The following KCNJ3 variants were observed in gnomAD, a reference collection of about 807,000 sequenced individuals.
KCNJ3 encodes the protein potassium inwardly rectifying channel subfamily J member 3, also known as G protein-activated inward rectifier potassium channel 1.
Under a neutral mutation model 39.2 loss-of-function variants are expected in KCNJ3, and 4 were observed. That is an observed-to-expected ratio of 0.10 (90% confidence interval 0.05 to 0.23). The LOEUF is 0.23. Ranked by LOEUF, KCNJ3 falls within the 10% of genes least tolerant of loss-of-function variation. The pLI is 1.00. For missense variants in KCNJ3, 276 were observed against 634.9 expected (o/e 0.43, Z 6.08); for synonymous variants, 230 against 237.4 (o/e 0.97, Z 0.29).
At chr2:154,819,149 A>G (rs970368324) in intron 2 of KCNJ3, among the ~76,000 whole-genome samples, 1 of 151,990 alleles carries the variant, frequency 6.6e-6, no homozygotes, top group African/African-American at 2.4e-5. Flanking sequence ...TAAAGAAAAG[A>G]AAAAAAGACC....
At chr2:154,832,473 C>T (rs991879727) in intron 2 of KCNJ3, among the ~76,000 whole-genome samples, 1 of 152,168 alleles carries the variant, frequency 6.6e-6, no homozygotes, top group African/African-American at 2.4e-5. Context: ...AGCATATTCT[C>T]ATTATAGTCC....
At chr2:154,829,458 C>A (rs959089904) in intron 2 of KCNJ3, among the ~76,000 whole-genome samples, 2 of 152,090 alleles carry the variant, frequency 1.3e-5, no homozygotes, top group Non-Finnish European at 2.9e-5. Context: ...AAGAACACGA[C>A]CTTGTTCTTT....
chr2:154,750,449 CAACGGT>C (rs1558863918), intron 2 of KCNJ3, among the ~76,000 whole-genome samples: 1 of 151,920 alleles, frequency 6.6e-6, no homozygotes, highest in Admixed American at 6.6e-5. Context: ...TTCCCTAATG[CAACGGT>C]AACTTATTCC....
intron 1 of KCNJ3, among the ~76,000 whole-genome samples, chr2:154,701,426 T>A (rs2105144638): frequency 6.6e-6 from 1 of 152,252 alleles, no homozygotes; most frequent in East Asian, 1.9e-4. Context: ...TTTTATTACA[T>A]TTTATTTCAA....
intron 2 of KCNJ3, among the ~76,000 whole-genome samples, chr2:154,735,589 A>C (rs1685517119): frequency 1.3e-5 from 2 of 152,154 alleles, no homozygotes; most frequent in African/African-American, 2.4e-5. Context: ...TCTTTCAGTT[A>C]ATATAATTTT....
intron 1 of KCNJ3, among the ~76,000 whole-genome samples, chr2:154,704,604 G>A (rs930605660): frequency 2.6e-5 from 4 of 152,176 alleles, no homozygotes; most frequent in African/African-American, 9.6e-5. Flanking sequence ...TATTCATGGA[G>A]TTTCAAGCTT....
chr2:154,757,666 G>A (rs192171886), intron 2 of KCNJ3, among the ~76,000 whole-genome samples: 23 of 152,162 alleles, frequency 1.5e-4, no homozygotes, highest in Admixed American at 1.5e-3. Context: ...AATACTTTAG[G>A]CTATGTAATT....
chr2:154,765,685 A>G (rs113998976), intron 2 of KCNJ3, among the ~76,000 whole-genome samples: 1,538 of 152,290 alleles, frequency 0.01, 20 homozygotes, highest in African/African-American at 0.035. Context: ...TGGTTCCTTA[A>G]CTGGGTGCCA....
At position 154,752,743 on chromosome 2, in the gene KCNJ3, A is replaced by G. The variant is rs552284536; in HGVS notation, c.919+42924A>G. ...CCCCAACTATAAATTGGGGACAATA[A>G]TTGTGCCAGTATGACAAAGTGTTAG... On this transcript the variant is annotated intron_variant, in intron 2 of 2. Coordinates refer to ENST00000295101, the MANE Select transcript of KCNJ3 (RefSeq NM_002239.4). Among the ~76,000 whole-genome samples the G allele has an allele frequency of 2.4e-4, 37 of 152,158 alleles. 2 individuals carry two copies. Among genetic ancestry groups the G allele is most frequent in the African/African-American group, 8.9e-4 (37 of 41,570 alleles).
At chr2:154,817,265 G>A (rs1687099741) in intron 2 of KCNJ3, among the ~76,000 whole-genome samples, 1 of 152,104 alleles carries the variant, frequency 6.6e-6, no homozygotes, top group Non-Finnish European at 1.5e-5. Context: ...CACAGTGTTG[G>A]ATAAACACTT....
chr2:154,839,044 C>T (rs1303198333), intron 2 of KCNJ3, among the ~76,000 whole-genome samples: 24 of 152,046 alleles, frequency 1.6e-4, no homozygotes, highest in Admixed American at 1.6e-3. Context: ...TTTGCTGCAC[C>T]CATCAACTCA....
intron 2 of KCNJ3, among the ~76,000 whole-genome samples, chr2:154,842,900 G>T (rs531835775): frequency 3.9e-5 from 6 of 151,994 alleles, no homozygotes; most frequent in Non-Finnish European, 7.4e-5. Context: ...CAACTTGCCG[G>T]TCTGTATCTT....
At chr2:154,825,892 AATT>A (rs1687263682) in intron 2 of KCNJ3, among the ~76,000 whole-genome samples, 1 of 137,182 alleles carries the variant, frequency 7.3e-6, no homozygotes, top group Non-Finnish European at 1.6e-5. Context: ...TTTTTTTTTT[AATT>A]ATTAATGTTA....
intron 2 of KCNJ3, among the ~76,000 whole-genome samples, chr2:154,760,387 T>C (rs961813457): frequency 2.0e-5 from 3 of 152,206 alleles, no homozygotes; most frequent in African/African-American, 7.2e-5. Flanking sequence ...TTTTGGGCTT[T>C]AAATATTTAT....
At chr2:154,768,558 G>A (rs1363288932) in intron 2 of KCNJ3, among the ~76,000 whole-genome samples, 2 of 152,052 alleles carry the variant, frequency 1.3e-5, no homozygotes, top group African/African-American at 4.8e-5. Flanking sequence ...CTCTGTTTTG[G>A]TACCAGTACC....
At chr2:154,813,614 CAT>C (rs1687036522) in intron 2 of KCNJ3, among the ~76,000 whole-genome samples, 1 of 152,004 alleles carries the variant, frequency 6.6e-6, no homozygotes, top group African/African-American at 2.4e-5. Context: ...GATGTTTTAT[CAT>C]TGGTTTAGCA....
chr2:154,843,004 C>G (rs1687602155), intron 2 of KCNJ3, among the ~76,000 whole-genome samples: 1 of 152,098 alleles, frequency 6.6e-6, no homozygotes, highest in Non-Finnish European at 1.5e-5. Context: ...TTATTTTGCC[C>G]ATTAATTGAT....
intron 2 of KCNJ3, among the ~76,000 whole-genome samples, chr2:154,739,700 T>C (rs1036296777): frequency 1.3e-5 from 2 of 152,042 alleles, no homozygotes; most frequent in African/African-American, 4.8e-5. Context: ...TGTTTTAATA[T>C]GGGCAGGGGA....
chr2:154,810,737 C>A (rs1380283322), intron 2 of KCNJ3, among the ~76,000 whole-genome samples: 1 of 152,114 alleles, frequency 6.6e-6, no homozygotes, highest in African/African-American at 2.4e-5. Context: ...AACCAAAATT[C>A]ATTAGCTAGA....
Sources: allele counts gnomAD v4.1 joint callset (sites outside exome capture counted in the v4.1 genomes callset), GRCh38; gene constraint gnomAD v4.1.1; transcripts MANE v1.5; gene names NCBI Gene and HGNC (gene_info 2026-07-23, HGNC 2026-07-21).